The following ADGRG2 variants were observed in gnomAD, a reference collection of about 807,000 sequenced individuals.
ADGRG2 encodes the protein G protein-coupled receptor 64.
A neutral mutation model predicts 74.1 loss-of-function variants in ADGRG2; 26 were observed. The observed-to-expected ratio is 0.35, with a 90% CI of 0.26 to 0.49. The LOEUF is 0.49. Among genes scored for constraint, ADGRG2 ranks in the 20% least tolerant of loss-of-function variants. The pLI, the probability that ADGRG2 is intolerant of heterozygous loss-of-function variation, is 0.99. For missense variants in ADGRG2, 619 were observed against 763.1 expected, an observed-to-expected ratio of 0.81 and a Z score of 2.22; for synonymous variants, 296 against 295.2, an observed-to-expected ratio of 1.00 and a Z score of -0.03.
intron 7 of ADGRG2, chrX:19,034,592 A>C (rs1295135743): frequency 1.8e-5 from 2 of 112,261 alleles, no homozygotes; most frequent in Admixed American, 9.4e-5. Flanking sequence ...CCCATGAGCC[A>C]ATGATGGGTG....
intron 2 of ADGRG2, among the ~76,000 whole-genome samples, chrX:19,074,674 A>T (rs1044634758): frequency 2.9e-5 from 3 of 102,638 alleles, no homozygotes; most frequent in African/African-American, 1.1e-4. Flanking sequence ...GGTTCAAGCG[A>T]TTCTCCTGTC....
At chrX:19,083,170 A>ATTTTTTTTTTTT (rs58522004) in intron 1 of ADGRG2, among the ~76,000 whole-genome samples, 4 of 83,191 alleles carry the variant, frequency 4.8e-5, no homozygotes, top group Admixed American at 1.4e-4. Context: ...CACCCGGCTA[A>ATTTTTTTTTTTT]TTTTTTTTTT....
chrX:19,048,558 G>A (rs1450161216), intron 3 of ADGRG2, among the ~76,000 whole-genome samples: 1 of 111,760 alleles, frequency 8.9e-6, no homozygotes, highest in Non-Finnish European at 1.9e-5. Flanking sequence ...AGAAGGAAGG[G>A]CCACTGACCT....
At chrX:19,015,428 G>A (rs944481179) in intron 15 of ADGRG2, among the ~76,000 whole-genome samples, 3 of 112,590 alleles carry the variant, frequency 2.7e-5, no homozygotes, top group African/African-American at 9.7e-5. Context: ...GAGTCAAAAA[G>A]CCTAGACTTG....
chrX:19,074,144 TC>T (rs1443203688), intron 2 of ADGRG2, among the ~76,000 whole-genome samples: 2 of 111,950 alleles, frequency 1.8e-5, no homozygotes, highest in Non-Finnish European at 3.8e-5. Context: ...TCTTCAGTGT[TC>T]CGGGAATATG....
intron 3 of ADGRG2, among the ~76,000 whole-genome samples, chrX:19,067,788 C>T (rs886210561): frequency 2.7e-5 from 3 of 112,122 alleles, no homozygotes; most frequent in African/African-American, 9.7e-5. Context: ...CAAAACTCAA[C>T]ACCAACAAAA....
intron 3 of ADGRG2, among the ~76,000 whole-genome samples, chrX:19,049,062 C>G (rs1038067855): frequency 1.8e-5 from 2 of 112,086 alleles, no homozygotes; most frequent in Admixed American, 1.9e-4. Flanking sequence ...CCTGGCCTCC[C>G]TGCCGTTTCT....
intron 1 of ADGRG2, among the ~76,000 whole-genome samples, chrX:19,114,091 T>TA (rs1178920321): frequency 0.022 from 1,568 of 72,033 alleles, 41 homozygotes; most frequent in African/African-American, 0.076. Flanking sequence ...AAAAAAAAAG[T>TA]AAAAAAAAAA....
chrX:19,057,698 G>A (rs1415156993), intron 3 of ADGRG2, among the ~76,000 whole-genome samples: 2 of 110,476 alleles, frequency 1.8e-5, no homozygotes, highest in Admixed American at 9.7e-5. Flanking sequence ...AAATTAGCTG[G>A]GAGTGGTGGT....
At chrX:19,104,284 G>A (rs2062240746) in intron 1 of ADGRG2, among the ~76,000 whole-genome samples, 1 of 110,351 alleles carries the variant, frequency 9.1e-6, no homozygotes, top group Non-Finnish European at 1.9e-5. Context: ...GGAGCCCCCG[G>A]GATGTGATCA....
chrX:19,117,943 G>GA lies in ADGRG2; in HGVS notation c.-47+4498dup, dbSNP rs369024078. ...CCTAAACCTCTTAGGCTTTCAATGG[G>GA]AAAAAAAAAAAAAGAATTCCAAGCA... is the stretch of plus-strand genomic sequence containing the variant. On this transcript the variant is annotated intron_variant, in intron 1 of 28. Coordinates refer to ENST00000379869, the MANE Select transcript of ADGRG2 (RefSeq NM_001079858.3). Among the ~76,000 whole-genome samples the GA allele has an allele frequency of 5.3e-3, 514 of 97,829 alleles. 2 individuals are homozygous for GA. The highest frequency in any genetic ancestry group is 7.6e-3 in the African/African-American group (207 of 27,234). 85.0% of individuals were successfully genotyped at this position (97,829 alleles called of 115,157 possible).
chrX:19,010,519 G>T, intron 17 of ADGRG2, 94 bp downstream of exon 17: 1 of 706,993 alleles, frequency 1.4e-6, no homozygotes, highest in Non-Finnish European at 2.1e-6. Flanking sequence ...CCTGGTACTT[G>T]GGAGTAAAAG....
chrX:19,093,858 C>A (rs1343817163), intron 1 of ADGRG2, among the ~76,000 whole-genome samples: 1 of 108,570 alleles, frequency 9.2e-6, no homozygotes, highest in Non-Finnish European at 1.9e-5. Flanking sequence ...ATGGAATCAA[C>A]CTAAGTGTCT....
At chrX:19,092,091 C>T (rs1448839840) in intron 1 of ADGRG2, among the ~76,000 whole-genome samples, 1 of 112,179 alleles carries the variant, frequency 8.9e-6, no homozygotes, top group Non-Finnish European at 1.9e-5. Flanking sequence ...GACAACTTGT[C>T]CACCCCTTGG....
chrX:19,001,362 C>T (rs150055409), intron 24 of ADGRG2, among the ~76,000 whole-genome samples: 2,512 of 111,745 alleles, frequency 0.022, 77 homozygotes, highest in African/African-American at 0.078. Flanking sequence ...GCACACTGAC[C>T]AGCAGACGTC....
At chrX:19,041,745 C>G (rs1034302146) in intron 3 of ADGRG2, among the ~76,000 whole-genome samples, 4 of 111,914 alleles carry the variant, frequency 3.6e-5, no homozygotes, top group Non-Finnish European at 7.5e-5. Flanking sequence ...CTTCCTTAGT[C>G]TCTGTTCTTC....
At chrX:19,018,111 CTTTTATTTTTAT>C (rs202100204) in intron 15 of ADGRG2, among the ~76,000 whole-genome samples, 3 of 110,331 alleles carry the variant, frequency 2.7e-5, no homozygotes, top group African/African-American at 6.7e-5. Context: ...GCCAGCAGGG[CTTTTATTTTTAT>C]TTTTATTTTT....
intron 1 of ADGRG2, among the ~76,000 whole-genome samples, chrX:19,105,728 TAAA>T (rs200849110): frequency 9.2e-6 from 1 of 109,236 alleles, no homozygotes; most frequent in Non-Finnish European, 1.9e-5. Context: ...TAAAGTATAA[TAAA>T]AAAAATTTTT....
At chrX:19,121,604 A>G (rs1486129655) in intron 1 of ADGRG2, among the ~76,000 whole-genome samples, 1 of 111,003 alleles carries the variant, frequency 9.0e-6, no homozygotes, top group Non-Finnish European at 1.9e-5. Flanking sequence ...AGTGTGGTCC[A>G]TGGAACAGCA....
Sources: gnomAD v4.1 joint callset for allele counts (sites outside exome capture counted in the v4.1 genomes callset) on GRCh38, gnomAD v4.1.1 for gene constraint, MANE v1.5 for transcripts, NCBI Gene and HGNC (gene_info 2026-07-23, HGNC 2026-07-21) for gene names.